ZNF12: variants seen among roughly 807,000 people sequenced by gnomAD.
ZNF12 encodes zinc finger protein 12.
Under a neutral mutation model 66.6 loss-of-function variants are expected in ZNF12, and 34 were observed. The observed-to-expected ratio is 0.51, with a 90% CI of 0.39 to 0.68. The LOEUF (loss-of-function observed/expected upper bound fraction) is 0.68, where lower values mean the gene tolerates loss of function less well. Among genes scored for constraint, ZNF12 ranks in the 30% least tolerant of loss-of-function variants. The pLI is 0.00. For synonymous variants in ZNF12, 320 were observed against 278.9 expected (o/e 1.15, Z -1.47); for missense variants, 697 against 826.9 (o/e 0.84, Z 1.93).
At position 6,697,619 on chromosome 7, in the gene ZNF12, TTAAAGTCATAAAA is replaced by T; in HGVS notation, c.142+53_142+65del. 6.2e-7 allele frequency: 1 copy of T among 1,602,750 alleles called. No homozygotes were observed. Among genetic ancestry groups the T allele is most frequent in the Non-Finnish European group, 8.5e-7 (1 of 1,172,858 alleles). The stretch of plus-strand genomic sequence containing the variant: ...CACATTCGTCCCATCAAATTTTAAG[TTAAAGTCATAAAA>T]TTTGTGAGAAATCCCATATATTTTA... On this transcript the variant is annotated intron_variant, in intron 3 of 4. Transcript: ENST00000405858. The surrounding 1 kb of genome is among the most constrained non-coding windows in gnomAD (Gnocchi z 6.1).
chr7:6,699,952 A>T (rs1238650172), intron 2 of ZNF12, among the ~76,000 whole-genome samples: 1 of 152,018 alleles, frequency 6.6e-6, no homozygotes, highest in Non-Finnish European at 1.5e-5. Flanking sequence ...ATTTTTTTTT[A>T]AATCTCTATT....
At chr7:6,694,057 C>T (rs1780116274) in intron 4 of ZNF12, among the ~76,000 whole-genome samples, 1 of 152,012 alleles carries the variant, frequency 6.6e-6, no homozygotes, top group Middle Eastern at 3.4e-3. Flanking sequence ...ATCCCAACTA[C>T]TTGGAAGGCT....
At position 6,705,214 on chromosome 7, in the gene ZNF12, G is replaced by A. The variant is rs543222824; in HGVS notation, c.-41C>T. ...GAAAAATCTGGAGGACTGTGAAAGC[G>A]GAGGCAGATCTGGGGAAGGAAAACC... On this transcript the variant is annotated 5_prime_UTR_variant, in exon 2 of 5. Coordinates refer to ENST00000405858, the MANE Select transcript of ZNF12 (RefSeq NM_016265.4). The surrounding 1 kb of genome is among the most constrained non-coding windows in gnomAD (Gnocchi z 4.0). The A allele has an allele frequency of 2.3e-5, 37 of 1,613,170 alleles. No individual in the cohort carries two copies. Among genetic ancestry groups the A allele is most frequent in the East Asian group, 8.9e-5 (4 of 44,860 alleles).
intron 2 of ZNF12, chr7:6,700,996 G>C (rs1780234198): frequency 6.6e-6 from 1 of 151,844 alleles, no homozygotes; most frequent in Admixed American, 6.6e-5. Context: ...TCATTCATTC[G>C]AGACAGGATC....
intron 2 of ZNF12, among the ~76,000 whole-genome samples, chr7:6,699,940 C>T (rs570359583): frequency 3.3e-5 from 5 of 152,048 alleles, no homozygotes; most frequent in African/African-American, 9.7e-5. Context: ...ATTTTATTTT[C>T]GATTTTTTTT....
At chr7:6,704,379 C>T (rs1472834438) in intron 2 of ZNF12, 1 of 150,712 alleles carries the variant, frequency 6.6e-6, no homozygotes, top group African/African-American at 2.4e-5. Flanking sequence ...GCCATTTCTG[C>T]AACGGATAGA....
Position 6,688,870 on chromosome 7 carries a change from G to A in ZNF12, c.*1978C>T, listed in dbSNP as rs1267786924. On this transcript the variant is annotated 3_prime_UTR_variant, in exon 5 of 5. Coordinates refer to ENST00000405858, the MANE Select transcript of ZNF12 (RefSeq NM_016265.4). The surrounding 1 kb of genome is among the most constrained non-coding windows in gnomAD (Gnocchi z 4.3). ...AATGTATTCCATGTATTAGAAAAAA[G>A]GAGGTATGCCTAACATTGTGTCACG... 1 of 152,590 alleles carries A rather than the reference G, an allele frequency of 6.6e-6. No individual in the cohort carries two copies. 9.5% of individuals were successfully genotyped at this position (152,590 alleles called of 1,614,324 possible). A position where few individuals can be genotyped will look rare whatever the true frequency, so the allele number is the denominator to read the frequency against.
chr7:6,703,946 C>T (rs1227620578), intron 2 of ZNF12, among the ~76,000 whole-genome samples: 2 of 152,208 alleles, frequency 1.3e-5, no homozygotes, highest in Non-Finnish European at 2.9e-5. Flanking sequence ...AGGACCAAGA[C>T]CACAGGCTAT....
Position 6,690,827 on chromosome 7 carries a change from G to A in ZNF12, c.*21C>T, listed in dbSNP as rs754218311. 1.0e-5 allele frequency: 16 copies of A among 1,576,144 alleles called. No individual in the cohort carries two copies. The highest frequency in any genetic ancestry group is 1.4e-5 in the Non-Finnish European group (16 of 1,162,138). Reference sequence around the variant, plus strand: ...ATTCACTATACTGAAAGGGTTCTCTGATATAAAATGAGGTCTGACTTCAGA... The same window carrying A: ...ATTCACTATACTGAAAGGGTTCTCTAATATAAAATGAGGTCTGACTTCAGA... On this transcript the variant is annotated 3_prime_UTR_variant, in exon 5 of 5. Coordinates refer to ENST00000405858, the MANE Select transcript of ZNF12 (RefSeq NM_016265.4).
rs1780066717 is a variant in ZNF12, at chr7:6,691,466, A to G, written c.1476T>C (p.Pro492=). The G allele has an allele frequency of 6.2e-7, 1 of 1,613,008 alleles. No homozygotes were observed. The highest frequency in any genetic ancestry group is 2.2e-5 in the East Asian group (1 of 44,764). Residue 492 remains proline, a synonymous_variant, in exon 5 of 5, where the codon CCT becomes CCC. Coordinates refer to ENST00000405858, the MANE Select transcript of ZNF12 (RefSeq NM_016265.4). ...RHQRVHTGEK[P]YECNECGKLF... Reference sequence around the variant, plus strand: ...ACTTTCCACATTCATTACATTCGTAAGGTTTCTCTCCTGTGTGCACTCTCT... The same window carrying G: ...ACTTTCCACATTCATTACATTCGTAGGGTTTCTCTCCTGTGTGCACTCTCT...
rs371686641 is a variant in ZNF12, at chr7:6,697,325, C to A, written c.238+14G>T. On this transcript the variant is annotated intron_variant, in intron 4 of 4. Transcript: ENST00000405858. This position sits in a 1 kb window ranked among gnomAD's most constrained non-coding sequence, Gnocchi z 6.1. Reference sequence around the variant, plus strand: ...CCCAAGTTACCGATCTCCTCACTGCCTCCACTAACACACCTGGATAGCTCT... The same window carrying A: ...CCCAAGTTACCGATCTCCTCACTGCATCCACTAACACACCTGGATAGCTCT... 5.0e-6 allele frequency: 8 copies of A among 1,592,552 alleles called. No homozygotes were observed. The highest frequency in any genetic ancestry group is 1.7e-4 in the Middle Eastern group (1 of 6,032).
rs979081080 is a variant in ZNF12, at chr7:6,696,822, G to A, written c.238+517C>T. ...CTGGGTCTCAGGAATGAGCAGCACT[G>A]TCCAATGAAGCACAGGTGCACATGA... On this transcript the variant is annotated intron_variant, in intron 4 of 4. Transcript: ENST00000405858. The surrounding 1 kb of genome is among the most constrained non-coding windows in gnomAD (Gnocchi z 4.0). Among the ~76,000 whole-genome samples, 4 of 152,092 alleles carry A rather than the reference G, an allele frequency of 2.6e-5. No homozygotes were observed. Among genetic ancestry groups the A allele is most frequent in the African/African-American group, 9.7e-5 (4 of 41,416 alleles).
Position 6,696,784 on chromosome 7 carries a change from A to C in ZNF12, c.238+555T>G, listed in dbSNP as rs1174445274. On this transcript the variant is annotated intron_variant, in intron 4 of 4. Coordinates refer to ENST00000405858, the MANE Select transcript of ZNF12 (RefSeq NM_016265.4). This position sits in a 1 kb window ranked among gnomAD's most constrained non-coding sequence, Gnocchi z 4.0. ...GGAGACCCAGGTACTGCAGTCACCA[A>C]ATTTCAGGAGGGCTGGGTCTCAGGA... Among the ~76,000 whole-genome samples, 3 of 152,132 alleles carry C rather than the reference A, an allele frequency of 2.0e-5. No homozygotes were observed. The highest frequency in any genetic ancestry group is 7.2e-5 in the African/African-American group (3 of 41,434).
rs944215688 is a variant in ZNF12, at chr7:6,706,743, C to A, written c.-362G>T. ...GTCACCGCCCGGCCGGCCCCTTGGG[C>A]CCCAGCGCCGTCGGCTCCGGGGGTC... On this transcript the variant is annotated 5_prime_UTR_variant, in exon 1 of 5. Coordinates refer to ENST00000405858, the MANE Select transcript of ZNF12 (RefSeq NM_016265.4). 3 of 234,024 alleles carry A rather than the reference C, an allele frequency of 1.3e-5. No individual in the cohort carries two copies. The highest frequency in any genetic ancestry group is 7.2e-5 in the African/African-American group (3 of 41,810). 14.5% of individuals were successfully genotyped at this position (234,024 alleles called of 1,614,324 possible).
Position 6,692,668 on chromosome 7 carries a change from TTCTC to T in ZNF12, c.270_273del (p.Arg91SerfsTer18). On this transcript the variant is annotated frameshift_variant, in exon 5 of 5. Coordinates refer to ENST00000405858, the MANE Select transcript of ZNF12 (RefSeq NM_016265.4). LOFTEE classifies it high-confidence loss of function. The surrounding 1 kb of genome is among the most constrained non-coding windows in gnomAD (Gnocchi z 5.1). ...GAAGGTTTATTTTCCTCTTCCTGGA[TTCTC>T]TCTATTAGGTCATCAGTTTGCCAGA... 1 of 1,607,686 alleles carries T rather than the reference TTCTC, an allele frequency of 6.2e-7. No individual in the cohort carries two copies. Among genetic ancestry groups the T allele is most frequent in the Non-Finnish European group, 8.5e-7 (1 of 1,177,824 alleles).
chr7:6,701,100 T>G (rs1439641528), intron 2 of ZNF12, among the ~76,000 whole-genome samples: 1 of 152,136 alleles, frequency 6.6e-6, no homozygotes, highest in Non-Finnish European at 1.5e-5. Flanking sequence ...GCCTCAGCCT[T>G]CCAAAGTGTT....
Position 6,705,717 on chromosome 7 carries a change from C to CAAAA in ZNF12, c.-50-498_-50-495dup, listed in dbSNP as rs71978935. Among the ~76,000 whole-genome samples the CAAAA allele has an allele frequency of 0.057, 8,405 of 148,032 alleles. 286 individuals carry two copies. Among genetic ancestry groups the CAAAA allele is most frequent in the Middle Eastern group, 0.08 (23 of 288 alleles). ...CTGGGCAACAAAGCGAAACTTGTCT[C>CAAAA]AAAAACAAACAAACAAACAAACAAA... On this transcript the variant is annotated intron_variant, in intron 1 of 4. Coordinates refer to ENST00000405858, the MANE Select transcript of ZNF12 (RefSeq NM_016265.4). This position sits in a 1 kb window ranked among gnomAD's most constrained non-coding sequence, Gnocchi z 4.0.
In ZNF12 at chr7:6,705,127, T is replaced by C. The variant is rs1399416414; in HGVS notation, c.15+32A>G. The C allele has an allele frequency of 1.9e-6, 3 of 1,611,406 alleles. No homozygotes were observed. The Admixed American group carries it at 5.0e-5, about 27-fold the overall frequency. On this transcript the variant is annotated intron_variant, in intron 2 of 4. Transcript: ENST00000405858. The surrounding 1 kb of genome is among the most constrained non-coding windows in gnomAD (Gnocchi z 4.0). Reference sequence around the variant, plus strand: ...TCCTAAGGTGTATTGTAAATCAGAGTAGAGAATAAATACATGAACAGAAAC... The same window carrying C: ...TCCTAAGGTGTATTGTAAATCAGAGCAGAGAATAAATACATGAACAGAAAC...
Position 6,697,256 on chromosome 7 carries a change from T to C in ZNF12, c.238+83A>G. ...CATATAAGCAACTATTTCTAGTCAC[T>C]TCTAAAGGTTCGGGACCATTAAAAA... On this transcript the variant is annotated intron_variant, in intron 4 of 4. Transcript: ENST00000405858. This position sits in a 1 kb window ranked among gnomAD's most constrained non-coding sequence, Gnocchi z 6.1. The C allele has an allele frequency of 9.5e-7, 1 of 1,054,920 alleles. No individual in the cohort carries two copies. The highest frequency in any genetic ancestry group is 1.5e-5 in the South Asian group (1 of 66,384). The allele number at this position is 1,054,920 out of a possible 1,614,324, so 65.3% of individuals were successfully genotyped here. A position where few individuals can be genotyped will look rare whatever the true frequency, so the allele number is the denominator to read the frequency against.
Sources: gnomAD v4.1 joint callset for allele counts (sites outside exome capture counted in the v4.1 genomes callset) on GRCh38, gnomAD v4.1.1 for gene constraint, Gnocchi (gnomAD v3.1) non-coding constraint, MANE v1.5 for transcripts, NCBI Gene and HGNC (gene_info 2026-07-23, HGNC 2026-07-21) for gene names.